The following FBRSL1 variants were observed in gnomAD, a reference collection of about 807,000 sequenced individuals.
FBRSL1 encodes the protein fibrosin like 1, also known as fibrosin-1-like protein.
Under a neutral mutation model 89.6 loss-of-function variants are expected in FBRSL1, and 51 were observed. The observed-to-expected ratio is 0.57, with a 90% CI of 0.45 to 0.72. The LOEUF (loss-of-function observed/expected upper bound fraction) is 0.72. FBRSL1 is among the 30% of genes least tolerant of loss of function. FBRSL1 has a pLI of 0.00. For missense variants in FBRSL1, 1,618 were observed against 1,451.8 expected (o/e 1.11, Z -1.86); for synonymous variants, 779 against 681.1 (o/e 1.14, Z -2.24).
rs563013331 is a variant in FBRSL1 at position 132,569,493 on chromosome 12, G to A, written c.692-433G>A. Among the ~76,000 whole-genome samples, 34 of 152,288 alleles carry A rather than the reference G, an allele frequency of 2.2e-4. 1 individual carries two copies. Among genetic ancestry groups the A allele is most frequent in the African/African-American group, 7.5e-4 (31 of 41,556 alleles). ...TGGGCTGAGGGCACATCCAGGGGCC[G>A]TGAACATGAGGCCTAGGTACACAGG... On this transcript the variant is annotated intron_variant, in intron 6 of 18. Transcript: ENST00000680143.
intron 9 of FBRSL1, chr12:132,572,009 G>A (rs1593557994): frequency 7.8e-6 from 4 of 511,632 alleles, no homozygotes; most frequent in East Asian, 3.2e-5. Flanking sequence ...AGGGCTTCAC[G>A]CCCCAGGCCT....
chr12:132,490,490 C>A lies in FBRSL1; in HGVS notation c.-81C>A. On this transcript the variant is annotated 5_prime_UTR_variant, in exon 1 of 19. Transcript: ENST00000680143. ...CGGCGCACACTCAGCCCGGCGGCGC[C>A]GCGTAGCCGAGGGAGCCCGCCTGCT... 2 of 930,654 alleles carry A rather than the reference C, an allele frequency of 2.1e-6. No homozygotes were observed. The highest frequency in any genetic ancestry group is 9.8e-5 in the South Asian group (2 of 20,452). 57.6% of individuals were successfully genotyped at this position (930,654 alleles called of 1,614,324 possible). A position where few individuals can be genotyped will look rare whatever the true frequency, so the allele number is the denominator to read the frequency against.
chr12:132,494,381 T>C (rs2031633876), intron 1 of FBRSL1, among the ~76,000 whole-genome samples: 2 of 152,280 alleles, frequency 1.3e-5, no homozygotes, highest in South Asian at 4.1e-4. Flanking sequence ...GACCCCATCT[T>C]CCCACATAGC....
intron 5 of FBRSL1, chr12:132,551,934 C>A: frequency 3.4e-6 from 1 of 297,462 alleles, no homozygotes; most frequent in Non-Finnish European, 6.8e-6. Flanking sequence ...CGGCCACCTC[C>A]AGGGATGGCT....
rs1009496843 is a variant in FBRSL1 at position 132,499,705 on chromosome 12, TG to T, written c.292-8442del. 1.9e-5 allele frequency among the ~76,000 whole-genome samples: 2 copies of T among 103,372 alleles called. No individual in the cohort carries two copies. Among genetic ancestry groups the T allele is most frequent in the Admixed American group, 1.9e-4 (2 of 10,506 alleles). The allele number at this position is 103,372 out of a possible 152,430, so 67.8% of individuals were successfully genotyped here. On this transcript the variant is annotated intron_variant, in intron 1 of 18. Transcript: ENST00000680143. This position sits in a 1 kb window ranked among gnomAD's most constrained non-coding sequence, Gnocchi z 4.3. The stretch of plus-strand genomic sequence containing the variant: ...GCTGGAGACAGCTGGGGGCTGTGGC[TG>T]GGGGGCTGCAGGGCTGGGGGGTGGG...
Position 132,496,080 on chromosome 12 carries a change from C to T in FBRSL1, c.291+5219C>T, listed in dbSNP as rs540809884. Among the ~76,000 whole-genome samples the T allele has an allele frequency of 1.8e-4, 28 of 152,350 alleles. No homozygotes were observed. In the East Asian group the frequency reaches 4.8e-3, roughly 26 times the overall value. ...CTTCCTGTCCTTGCCGTGGCTACGC[C>T]GCGTGCCTGCACCTCCGCACGTGCT... On this transcript the variant is annotated intron_variant, in intron 1 of 18. Coordinates refer to ENST00000680143, the MANE Select transcript of FBRSL1 (RefSeq NM_001367871.1).
chr12:132,555,497 G>A (rs1406330218), intron 5 of FBRSL1, among the ~76,000 whole-genome samples: 1 of 151,448 alleles, frequency 6.6e-6, no homozygotes, highest in Admixed American at 6.6e-5. Context: ...GAGCGTGAGC[G>A]TGGCCTCCAC....
At chr12:132,531,514 C>T (rs1005712457) in intron 4 of FBRSL1, among the ~76,000 whole-genome samples, 1 of 152,082 alleles carries the variant, frequency 6.6e-6, no homozygotes, top group African/African-American at 2.4e-5. Context: ...CCTTGTAGAA[C>T]AGTGTCACGG....
At chr12:132,547,662 T>C (rs1402648795) in intron 4 of FBRSL1, among the ~76,000 whole-genome samples, 1 of 152,128 alleles carries the variant, frequency 6.6e-6, no homozygotes. Context: ...TGGCCCAGGA[T>C]GGGGGTCTTC....
At chr12:132,582,937 C>A in intron 18 of FBRSL1, 34 bp from the exon 19 acceptor site, 1 of 1,368,618 alleles carries the variant, frequency 7.3e-7, no homozygotes, top group South Asian at 1.6e-5. Context: ...GGACGGAGGT[C>A]TCGGGAGTGA....
At chr12:132,543,275 A>C (rs766486099) in intron 4 of FBRSL1, among the ~76,000 whole-genome samples, 4 of 152,238 alleles carry the variant, frequency 2.6e-5, no homozygotes, top group African/African-American at 9.6e-5. Context: ...ATGAGGAAAC[A>C]GGCTCGGAGA....
At chr12:132,550,565 CTGTGTGA>C (rs2038075394) in intron 5 of FBRSL1, among the ~76,000 whole-genome samples, 1 of 152,150 alleles carries the variant, frequency 6.6e-6, no homozygotes, top group African/African-American at 2.4e-5. Flanking sequence ...GCCTGTCCGT[CTGTGTGA>C]CCTTGGGGCA....
At position 132,576,937 on chromosome 12, in the gene FBRSL1, A is replaced by G. The variant is rs1194032028; in HGVS notation, c.1834+6A>G. 4 of 1,546,704 alleles carry G rather than the reference A, an allele frequency of 2.6e-6. No individual in the cohort carries two copies. Among genetic ancestry groups the G allele is most frequent in the Non-Finnish European group, 8.7e-7 (1 of 1,144,586 alleles). On this transcript the variant is annotated splice_donor_region_variant and intron_variant, in intron 15 of 18. Coordinates refer to ENST00000680143, the MANE Select transcript of FBRSL1 (RefSeq NM_001367871.1). ...GCCCCTCTTCCCCAGCACAGGTGAG[A>G]CTGGAGTCGGGCCAGGTGGGGGGCA...
At chr12:132,574,050 C>T (rs577333163) in intron 11 of FBRSL1, 40 bp from the exon 12 acceptor site, 90 of 1,205,122 alleles carry the variant, frequency 7.5e-5, no homozygotes, top group Middle Eastern at 3.2e-4. Flanking sequence ...CCTGCCTGGG[C>T]GGCCCCAGGC....
At chr12:132,512,851 A>C (rs929706320) in intron 2 of FBRSL1, among the ~76,000 whole-genome samples, 1 of 152,128 alleles carries the variant, frequency 6.6e-6, no homozygotes, top group Admixed American at 6.5e-5. Context: ...TGCAGAGGAC[A>C]CCCGTGGAGG....
intron 4 of FBRSL1, among the ~76,000 whole-genome samples, chr12:132,545,746 A>G (rs955356629): frequency 5.9e-5 from 9 of 152,216 alleles, no homozygotes; most frequent in African/African-American, 1.9e-4. Context: ...CCCCCAGGCC[A>G]CGGGTGCACC....
chr12:132,557,316 C>T (rs531798244), intron 5 of FBRSL1, among the ~76,000 whole-genome samples: 22 of 152,348 alleles, frequency 1.4e-4, no homozygotes, highest in South Asian at 2.1e-4. Flanking sequence ...GCCTGCTCTC[C>T]GGTGAATGCC....
chr12:132,501,456 C>T (rs1053302339), intron 1 of FBRSL1, among the ~76,000 whole-genome samples: 2 of 152,042 alleles, frequency 1.3e-5, no homozygotes, highest in Non-Finnish European at 2.9e-5. Flanking sequence ...GGGTGATGGC[C>T]GGGGGAGGGG....
intron 8 of FBRSL1, 61 bp from the exon 9 acceptor site, chr12:132,571,007 C>T (rs1306759349): frequency 7.2e-6 from 9 of 1,243,310 alleles, no homozygotes; most frequent in African/African-American, 4.7e-5. Context: ...GGATGCTGGC[C>T]TGCGGGTGGC....
Sources: allele counts gnomAD v4.1 joint callset (sites outside exome capture counted in the v4.1 genomes callset), GRCh38; gene constraint gnomAD v4.1.1; non-coding constraint Gnocchi (gnomAD v3.1); transcripts MANE v1.5; gene names NCBI Gene and HGNC (gene_info 2026-07-23, HGNC 2026-07-21).